Variants in CABIN1 observed in about 807,000 individuals in gnomAD.
The protein encoded by CABIN1 is calcineurin-binding protein cabin-1.
In CABIN1, 133 loss-of-function variants were observed where a neutral mutation model predicts 227.7. The ratio of observed to expected loss-of-function variants is 0.58; its 90% CI spans 0.51 to 0.67. The LOEUF (loss-of-function observed/expected upper bound fraction) is 0.67. Among genes scored for constraint, CABIN1 ranks in the 30% least tolerant of loss-of-function variants. The pLI is 0.00. For synonymous variants in CABIN1, 1,086 were observed against 1,155.1 expected (o/e 0.94, Z 1.21); for missense variants, 2,408 against 2,852.5 (o/e 0.84, Z 3.55).
chr22:24,143,871 A>G (rs2044941206), intron 29 of CABIN1, among the ~76,000 whole-genome samples: 1 of 152,126 alleles, frequency 6.6e-6, no homozygotes, highest in Non-Finnish European at 1.5e-5. Context: ...CTTGGACAGC[A>G]GTGCTTATGG....
At chr22:24,125,368 C>A (rs192298869) in intron 28 of CABIN1, among the ~76,000 whole-genome samples, 4 of 152,306 alleles carry the variant, frequency 2.6e-5, no homozygotes, top group Admixed American at 2.6e-4. Context: ...CCCTTGCCCC[C>A]CTGTTGTGAG....
intron 26 of CABIN1, among the ~76,000 whole-genome samples, chr22:24,100,975 G>A (rs2042168192): frequency 6.6e-6 from 1 of 152,214 alleles, no homozygotes; most frequent in Non-Finnish European, 1.5e-5. Flanking sequence ...CCTGGGCTCT[G>A]GGGCCAGTCC....
chr22:24,112,883 T>C (rs977457015), intron 26 of CABIN1, among the ~76,000 whole-genome samples: 83 of 152,178 alleles, frequency 5.5e-4, no homozygotes, highest in Non-Finnish European at 2.5e-4. Flanking sequence ...TTTGTACCTT[T>C]TCCATAGCAT....
chr22:24,056,931 C>T (rs906671578), intron 10 of CABIN1, among the ~76,000 whole-genome samples: 4 of 151,372 alleles, frequency 2.6e-5, no homozygotes, highest in Non-Finnish European at 5.9e-5. Flanking sequence ...AGGTTTTCAC[C>T]AGTCCTTCTG....
At chr22:24,029,960 G>A (rs1382095866) in intron 1 of CABIN1, among the ~76,000 whole-genome samples, 3 of 152,180 alleles carry the variant, frequency 2.0e-5, no homozygotes, top group Admixed American at 6.5e-5. Context: ...ATCACCTAAC[G>A]TGGCAAGCCT....
At chr22:24,020,972 C>T (rs1460664060) in intron 1 of CABIN1, among the ~76,000 whole-genome samples, 1 of 151,888 alleles carries the variant, frequency 6.6e-6, no homozygotes, top group Non-Finnish European at 1.5e-5. Flanking sequence ...TCTGTCTCCT[C>T]ATTTTTTCTC....
At chr22:24,031,892 T>G (rs1445303832) in intron 1 of CABIN1, among the ~76,000 whole-genome samples, 2 of 152,180 alleles carry the variant, frequency 1.3e-5, no homozygotes, top group African/African-American at 4.8e-5. Context: ...TTATTTGGAG[T>G]AATGTCTTTG....
At chr22:24,060,866 C>G (rs979598939) in intron 12 of CABIN1, among the ~76,000 whole-genome samples, 2 of 152,072 alleles carry the variant, frequency 1.3e-5, no homozygotes, top group African/African-American at 4.8e-5. Flanking sequence ...CGCCACCGCA[C>G]TCCAGCCTAG....
intron 9 of CABIN1, 48 bp downstream of exon 9, chr22:24,055,207 A>C: frequency 6.3e-7 from 1 of 1,596,238 alleles, no homozygotes; most frequent in Non-Finnish European, 8.5e-7. Context: ...CCGTTCACTG[A>C]GCCCAGCAGG....
chr22:24,173,589 A>G (rs1217976077), intron 34 of CABIN1, among the ~76,000 whole-genome samples: 1 of 152,222 alleles, frequency 6.6e-6, no homozygotes, highest in Non-Finnish European at 1.5e-5. Context: ...TAATCCCAGC[A>G]CAGTGGGAGG....
At chr22:24,068,954 C>T (rs77567445) in intron 16 of CABIN1, among the ~76,000 whole-genome samples, 10 of 152,170 alleles carry the variant, frequency 6.6e-5, no homozygotes, top group African/African-American at 1.2e-4. Flanking sequence ...CCCATGTTCT[C>T]GAGGGGGGGC....
chr22:24,170,255 C>A, intron 33 of CABIN1: 1 of 421,958 alleles, frequency 2.4e-6, no homozygotes, highest in Admixed American at 2.5e-5. Flanking sequence ...TGGTTCTCTC[C>A]TCCCTTAAGC....
intron 29 of CABIN1, among the ~76,000 whole-genome samples, chr22:24,153,921 G>A (rs1288201957): frequency 6.6e-6 from 1 of 152,210 alleles, no homozygotes; most frequent in African/African-American, 2.4e-5. Flanking sequence ...AAGCTGCCCA[G>A]CCCATTCTGA....
Position 24,168,491 on chromosome 22 carries a change from G to T in CABIN1, c.5727G>T (p.Gln1909His). Reference protein sequence around the residue: ...AALEQAVKFCQVHLGAAAQRQ... With the variant: ...AALEQAVKFCHVHLGAAAQRQ... ...TGGAGCAGGCTGTGAAGTTCTGCCA[G>T]GTCCATCTTGGGGCTGCCGCCCAGA... The change falls in exon 33 of 37, where the codon CAG becomes CAT. Residue 1909 changes from glutamine to histidine, a missense_variant. Physicochemically the swap from Gln to His is conservative, Grantham distance 24. Transcript: ENST00000263119. 6.4e-7 allele frequency: 1 copy of T among 1,566,138 alleles called. No individual in the cohort carries two copies. The highest frequency in any genetic ancestry group is 8.7e-7 in the Non-Finnish European group (1 of 1,155,146).
chr22:24,160,055 C>T (rs1415973337), intron 29 of CABIN1, among the ~76,000 whole-genome samples: 1 of 152,082 alleles, frequency 6.6e-6, no homozygotes, highest in Non-Finnish European at 1.5e-5. Flanking sequence ...TTGAGGTGGG[C>T]GAGTCTGGCC....
At position 24,050,943 on chromosome 22, in the gene CABIN1, C is replaced by T; in HGVS notation, c.775C>T (p.Leu259=). Residue 259 remains leucine, a synonymous_variant, in exon 8 of 37, where the codon CTG becomes TTG. Transcript: ENST00000263119. The part of the protein sequence containing the change: ...ALIVREKEPD[L]KLVQPIPFFT... Reference sequence around the variant, plus strand: ...GATTGTGCGGGAGAAGGAGCCGGACCTGAAACTTGTGCAGCCCATTCCTTT... The same window carrying T: ...GATTGTGCGGGAGAAGGAGCCGGACTTGAAACTTGTGCAGCCCATTCCTTT... 6.2e-7 allele frequency: 1 copy of T among 1,614,224 alleles called. No individual in the cohort carries two copies. The highest frequency in any genetic ancestry group is 1.3e-5 in the African/African-American group (1 of 75,054).
At position 24,152,952 on chromosome 22, in the gene CABIN1, AAGG is replaced by A. The variant is rs547793619; in HGVS notation, c.4747-11445_4747-11443del. Reference sequence around the variant, plus strand: ...GCGACAGAGCAGAGAAAAAAAAAGAAAGGAGCCAGGAGAAATCTACAGGTCTGC... The same window carrying A: ...GCGACAGAGCAGAGAAAAAAAAAGAAAGCCAGGAGAAATCTACAGGTCTGC... On this transcript the variant is annotated intron_variant, in intron 29 of 36. Transcript: ENST00000263119. Among the ~76,000 whole-genome samples, 14 of 152,054 alleles carry A rather than the reference AAGG, an allele frequency of 9.2e-5. No homozygotes were observed. In the South Asian group the frequency reaches 2.7e-3, roughly 29 times the overall value.
intron 35 of CABIN1, among the ~76,000 whole-genome samples, chr22:24,176,868 G>A (rs1396735869): frequency 2.0e-5 from 3 of 152,254 alleles, no homozygotes; most frequent in East Asian, 3.8e-4. Flanking sequence ...CCAGCCCCTG[G>A]GGGCCAGGCA....
chr22:24,156,975 C>T (rs2045867137), intron 29 of CABIN1, among the ~76,000 whole-genome samples: 1 of 152,188 alleles, frequency 6.6e-6, no homozygotes, highest in Non-Finnish European at 1.5e-5. Context: ...GCTTTCCCAG[C>T]CCTTGTCTGC....
Sources: gnomAD v4.1 joint callset for allele counts (sites outside exome capture counted in the v4.1 genomes callset) on GRCh38, gnomAD v4.1.1 for gene constraint, MANE v1.5 for transcripts, NCBI Gene and HGNC (gene_info 2026-07-23, HGNC 2026-07-21) for gene names.